Variants in CSMD1 observed in about 807,000 individuals in gnomAD.
CSMD1 encodes CUB and sushi domain-containing protein 1.
In CSMD1, 213 loss-of-function variants were observed where a neutral mutation model predicts 417.5. The ratio of observed to expected loss-of-function variants is 0.51; its 90% CI spans 0.46 to 0.57. CSMD1 has a LOEUF of 0.57. CSMD1 is among the 20% of genes least tolerant of loss of function. The pLI, the probability that CSMD1 is intolerant of heterozygous loss-of-function variation, is 0.00. For synonymous variants in CSMD1, 2,862 were observed against 1,736.8 expected (o/e 1.65, Z -16.11); for missense variants, 6,923 against 4,529.7 (o/e 1.53, Z -15.17).
At chr8:3,376,178 C>T (rs748220862) in intron 18 of CSMD1, among the ~76,000 whole-genome samples, 10 of 151,942 alleles carry the variant, frequency 6.6e-5, no homozygotes, top group Middle Eastern at 3.4e-3. Flanking sequence ...TTCAAAAATA[C>T]TTATTTAATA....
chr8:4,962,044 T>G (rs1232324140), intron 1 of CSMD1, among the ~76,000 whole-genome samples: 2 of 152,050 alleles, frequency 1.3e-5, no homozygotes, highest in Non-Finnish European at 2.9e-5. Flanking sequence ...GGGAAGGTTT[T>G]TTTGATTTAC....
At chr8:4,016,055 T>A (rs1426882037) in intron 4 of CSMD1, among the ~76,000 whole-genome samples, 1 of 152,172 alleles carries the variant, frequency 6.6e-6, no homozygotes, top group East Asian at 1.9e-4. Flanking sequence ...TCAGAGAATG[T>A]GATTCCATAT....
At chr8:3,009,573 A>G (rs945687264) in intron 52 of CSMD1, among the ~76,000 whole-genome samples, 2 of 152,188 alleles carry the variant, frequency 1.3e-5, no homozygotes, top group African/African-American at 4.8e-5. Flanking sequence ...TTAGCAGTAC[A>G]CTTCAACGGA....
At chr8:4,916,734 G>T (rs189128955) in intron 1 of CSMD1, among the ~76,000 whole-genome samples, 1 of 152,278 alleles carries the variant, frequency 6.6e-6, no homozygotes, top group Non-Finnish European at 1.5e-5. Context: ...ATATCGCAAA[G>T]AATAAATAGG....
At chr8:4,818,790 A>G (rs540439326) in intron 1 of CSMD1, among the ~76,000 whole-genome samples, 2 of 152,364 alleles carry the variant, frequency 1.3e-5, no homozygotes, top group Non-Finnish European at 2.9e-5. Context: ...TTTGTAAAAC[A>G]AAAGTATTTT....
chr8:3,511,334 C>G (rs1797058413), intron 10 of CSMD1, among the ~76,000 whole-genome samples: 1 of 151,236 alleles, frequency 6.6e-6, no homozygotes, highest in Middle Eastern at 3.2e-3. Flanking sequence ...ACCTATGTAA[C>G]AAACCTGCAC....
intron 1 of CSMD1, among the ~76,000 whole-genome samples, chr8:4,914,470 C>T (rs1241969470): frequency 6.6e-6 from 1 of 150,548 alleles, no homozygotes; most frequent in Non-Finnish European, 1.5e-5. Flanking sequence ...CCCAGCTACT[C>T]GGGAGGCTGA....
At chr8:3,801,860 G>GA (rs1221668379) in intron 5 of CSMD1, among the ~76,000 whole-genome samples, 6 of 152,024 alleles carry the variant, frequency 3.9e-5, no homozygotes, top group Non-Finnish European at 8.8e-5. Flanking sequence ...GTAAGTCAAT[G>GA]AAAAATCACA....
Position 4,074,354 on chromosome 8 carries a change from T to G in CSMD1, c.416-42255A>C, listed in dbSNP as rs1269028852. ...TTTGGCATCTGAATGTAAAATGTAG[T>G]ATTTAGTCCATAAATGATAGCAGTA... On this transcript the variant is annotated intron_variant, in intron 3 of 69. Coordinates refer to ENST00000635120, the MANE Select transcript of CSMD1 (RefSeq NM_033225.6). 3.3e-5 allele frequency among the ~76,000 whole-genome samples: 5 copies of G among 152,098 alleles called. No homozygotes were observed. In the East Asian group the frequency reaches 9.6e-4, roughly 29 times the overall value.
chr8:4,268,751 T>TAA (rs369276513), intron 3 of CSMD1, among the ~76,000 whole-genome samples: 74 of 148,178 alleles, frequency 5.0e-4, no homozygotes, highest in African/African-American at 1.6e-3. Flanking sequence ...ATTAAATTGC[T>TAA]AAAAAAAAAA....
chr8:4,418,072 C>T (rs756411250), intron 3 of CSMD1, among the ~76,000 whole-genome samples: 143 of 152,056 alleles, frequency 9.4e-4, no homozygotes, highest in Non-Finnish European at 1.5e-3. Flanking sequence ...GATTTAAACA[C>T]ACACATACTA....
chr8:4,151,279 G>A (rs750030090), intron 3 of CSMD1, among the ~76,000 whole-genome samples: 6 of 152,160 alleles, frequency 3.9e-5, no homozygotes, highest in Non-Finnish European at 7.3e-5. Context: ...TTTAGACCAT[G>A]CATGTGTAAA....
At chr8:3,325,123 C>T (rs754593318) in intron 23 of CSMD1, among the ~76,000 whole-genome samples, 1 of 152,060 alleles carries the variant, frequency 6.6e-6, no homozygotes, top group Non-Finnish European at 1.5e-5. Context: ...TAAAAATGAC[C>T]TACATAACAA....
intron 3 of CSMD1, among the ~76,000 whole-genome samples, chr8:4,365,555 A>T (rs1052840358): frequency 2.6e-5 from 4 of 152,128 alleles, no homozygotes; most frequent in Non-Finnish European, 5.9e-5. Context: ...GTTACTTATG[A>T]TTGTGCCTCT....
intron 3 of CSMD1, among the ~76,000 whole-genome samples, chr8:4,207,953 C>A (rs968387353): frequency 2.6e-5 from 4 of 152,040 alleles, no homozygotes. Context: ...AAGAATTTAT[C>A]TTTAGGCAAT....
Position 4,062,964 on chromosome 8 carries a change from G to C in CSMD1, c.416-30865C>G, listed in dbSNP as rs59500787. Among the ~76,000 whole-genome samples, 1,204 of 151,888 alleles carry C rather than the reference G, an allele frequency of 7.9e-3. 18 individuals are homozygous for C. Among genetic ancestry groups the C allele is most frequent in the African/African-American group, 0.021 (857 of 41,466 alleles). ...AAAAAGCTGTTAACAACATCATCCA[G>C]ATAAAGGAATAAGGAAATAGGTAAT... On this transcript the variant is annotated intron_variant, in intron 3 of 69. Transcript: ENST00000635120.
chr8:3,547,993 A>C (rs192036325), intron 10 of CSMD1, among the ~76,000 whole-genome samples: 1 of 152,218 alleles, frequency 6.6e-6, no homozygotes, highest in Admixed American at 6.5e-5. Context: ...AGAAAAAAAT[A>C]ACTAAAAGAA....
chr8:3,414,211 G>GAAAA (rs1812986091), intron 12 of CSMD1, among the ~76,000 whole-genome samples: 5 of 2,174 alleles, frequency 2.3e-3, no homozygotes, highest in Non-Finnish European at 5.5e-3. Context: ...TGCACCTAAA[G>GAAAA]CAAAAAAAAA....
intron 3 of CSMD1, among the ~76,000 whole-genome samples, chr8:4,333,910 G>T (rs1283444973): frequency 6.6e-6 from 1 of 151,936 alleles, no homozygotes; most frequent in East Asian, 1.9e-4. Flanking sequence ...GTTTTGTTTT[G>T]AGAAAAGTTC....
Sources: gnomAD v4.1 joint callset for allele counts (sites outside exome capture counted in the v4.1 genomes callset) on GRCh38, gnomAD v4.1.1 for gene constraint, MANE v1.5 for transcripts, NCBI Gene and HGNC (gene_info 2026-07-23, HGNC 2026-07-21) for gene names.